Variants in FRMD5 observed in about 807,000 individuals in gnomAD.
FRMD5 encodes the protein FERM domain-containing protein 5.
A neutral mutation model predicts 69.0 loss-of-function variants in FRMD5; 20 were observed. The ratio of observed to expected loss-of-function variants is 0.29; its 90% CI spans 0.20 to 0.42. The LOEUF is 0.42. Ranked by LOEUF, FRMD5 falls within the 10% of genes least tolerant of loss-of-function variation. The pLI is 1.00. For missense variants in FRMD5, 595 were observed against 708.6 expected (o/e 0.84, Z 1.82); for synonymous variants, 271 against 260.1 (o/e 1.04, Z -0.40).
intron 1 of FRMD5, among the ~76,000 whole-genome samples, chr15:44,071,648 G>A (rs1893545140): frequency 6.6e-6 from 1 of 152,006 alleles, no homozygotes; most frequent in Non-Finnish European, 1.5e-5. Context: ...ATCCAGAGTT[G>A]ATTTTTTGAA....
chr15:43,945,238 G>T (rs1344361924), intron 1 of FRMD5, among the ~76,000 whole-genome samples: 2 of 152,178 alleles, frequency 1.3e-5, no homozygotes, highest in East Asian at 1.9e-4. Context: ...GTGGCATTAG[G>T]TGGTTGCTTT....
At chr15:44,050,698 C>T (rs951884429) in intron 1 of FRMD5, among the ~76,000 whole-genome samples, 2 of 150,072 alleles carry the variant, frequency 1.3e-5, no homozygotes, top group Non-Finnish European at 3.0e-5. Flanking sequence ...CGCTCTGTCG[C>T]CCAGGCTGGA....
chr15:44,042,265 A>G (rs545394294), intron 1 of FRMD5, among the ~76,000 whole-genome samples: 1 of 152,254 alleles, frequency 6.6e-6, no homozygotes, highest in Non-Finnish European at 1.5e-5. Context: ...ACCAACAACA[A>G]GTTCTGAAAT....
intron 1 of FRMD5, among the ~76,000 whole-genome samples, chr15:44,011,088 C>G (rs1286515155): frequency 6.6e-6 from 1 of 151,330 alleles, no homozygotes; most frequent in Non-Finnish European, 1.5e-5. Context: ...GGTCTTGTTG[C>G]TTCTGCTTGG....
chr15:44,101,235 G>A (rs1371072614), intron 1 of FRMD5, among the ~76,000 whole-genome samples: 1 of 151,932 alleles, frequency 6.6e-6, no homozygotes, highest in Non-Finnish European at 1.5e-5. Context: ...CCAGGGTGGA[G>A]AAGTCAGCTT....
chr15:43,921,097 T>C (rs925666585), intron 2 of FRMD5, among the ~76,000 whole-genome samples: 6 of 152,174 alleles, frequency 3.9e-5, no homozygotes. Context: ...AAGAGGCCCT[T>C]CTCACATTAC....
intron 1 of FRMD5, among the ~76,000 whole-genome samples, chr15:43,948,257 G>A (rs191161759): frequency 7.0e-4 from 106 of 152,302 alleles, no homozygotes; most frequent in South Asian, 5.4e-3. Context: ...CAAGTTGACA[G>A]GATAAAAGGG....
intron 1 of FRMD5, among the ~76,000 whole-genome samples, chr15:43,932,382 C>G (rs879278799): frequency 1.5e-4 from 23 of 152,220 alleles, no homozygotes; most frequent in Middle Eastern, 3.4e-3. Flanking sequence ...TCTTCTTACC[C>G]AAGGCTATTT....
At chr15:44,166,061 G>A (rs564891734) in intron 1 of FRMD5, among the ~76,000 whole-genome samples, 4 of 152,150 alleles carry the variant, frequency 2.6e-5, no homozygotes, top group African/African-American at 9.6e-5. Context: ...AATAAAGACT[G>A]TACTGACTTA....
intron 1 of FRMD5, among the ~76,000 whole-genome samples, chr15:44,066,013 C>T (rs555193355): frequency 5.3e-5 from 8 of 152,080 alleles, no homozygotes; most frequent in African/African-American, 1.9e-4. Flanking sequence ...GATTGTTTTT[C>T]AAAAACAAAA....
chr15:43,928,425 G>A (rs150429721), intron 1 of FRMD5, among the ~76,000 whole-genome samples: 8 of 152,224 alleles, frequency 5.3e-5, no homozygotes, highest in Non-Finnish European at 1.0e-4. Flanking sequence ...AGAGGGTTGC[G>A]ACAAAGCCCT....
At chr15:44,036,779 A>T (rs577010595) in intron 1 of FRMD5, among the ~76,000 whole-genome samples, 1 of 152,136 alleles carries the variant, frequency 6.6e-6, no homozygotes, top group Non-Finnish European at 1.5e-5. Flanking sequence ...TGTTTTGTGC[A>T]TCGGCCTTCA....
At chr15:43,946,815 A>AAAC (rs1465345767) in intron 1 of FRMD5, among the ~76,000 whole-genome samples, 6 of 152,304 alleles carry the variant, frequency 3.9e-5, no homozygotes, top group African/African-American at 1.4e-4. Context: ...TGTGCTCCTC[A>AAAC]AACACTTCAA....
intron 1 of FRMD5, among the ~76,000 whole-genome samples, chr15:44,168,632 T>C (rs1318056954): frequency 6.6e-6 from 1 of 152,226 alleles, no homozygotes; most frequent in Non-Finnish European, 1.5e-5. Flanking sequence ...GTATCTTTAT[T>C]GTCCAATCAG....
At chr15:44,013,368 T>C (rs1434043402) in intron 1 of FRMD5, among the ~76,000 whole-genome samples, 1 of 152,192 alleles carries the variant, frequency 6.6e-6, no homozygotes, top group East Asian at 1.9e-4. Flanking sequence ...ATTTCCAAAG[T>C]TCTTCAGTAA....
At chr15:44,089,939 T>C (rs2076448299) in intron 1 of FRMD5, among the ~76,000 whole-genome samples, 1 of 152,110 alleles carries the variant, frequency 6.6e-6, no homozygotes, top group Non-Finnish European at 1.5e-5. Flanking sequence ...TCCACCTCTC[T>C]CACTCTTTAT....
chr15:44,124,154 G>A (rs1440667211), intron 1 of FRMD5, among the ~76,000 whole-genome samples: 1 of 151,858 alleles, frequency 6.6e-6, no homozygotes, highest in African/African-American at 2.4e-5. Flanking sequence ...CACCATGCCT[G>A]GCTATTTTTT....
chr15:44,123,671 G>T (rs1323268436), intron 1 of FRMD5, among the ~76,000 whole-genome samples: 2 of 152,012 alleles, frequency 1.3e-5, no homozygotes, highest in Non-Finnish European at 2.9e-5. Context: ...GTCCAAAAAT[G>T]TAAAAGAAAA....
At chr15:43,990,846 G>A (rs890763327) in intron 1 of FRMD5, among the ~76,000 whole-genome samples, 5 of 152,166 alleles carry the variant, frequency 3.3e-5, no homozygotes, top group African/African-American at 1.2e-4. Context: ...TTTAACTATG[G>A]CTGATCTTCA....
Sources: allele counts gnomAD v4.1 joint callset (sites outside exome capture counted in the v4.1 genomes callset), GRCh38; gene constraint gnomAD v4.1.1; transcripts MANE v1.5; gene names NCBI Gene and HGNC (gene_info 2026-07-23, HGNC 2026-07-21).